The following CACNA1F variants were observed in gnomAD, a reference collection of about 807,000 sequenced individuals.
CACNA1F encodes calcium voltage-gated channel subunit alpha1 F.
CACNA1F carries 59 observed loss-of-function variants against 143.8 expected under a neutral mutation model. The ratio of observed to expected loss-of-function variants is 0.41; its 90% CI spans 0.33 to 0.51. CACNA1F has a LOEUF of 0.51. Ranked by LOEUF, CACNA1F falls within the 20% of genes least tolerant of loss-of-function variation. The pLI is 0.22. For synonymous variants in CACNA1F, 643 were observed against 649.1 expected (o/e 0.99, Z 0.14); for missense variants, 1,411 against 1,647.5 (o/e 0.86, Z 2.48).
chrX:49,213,963 C>T, intron 30 of CACNA1F, 61 bp from the exon 31 acceptor site: 1 of 878,425 alleles, frequency 1.1e-6, no homozygotes, highest in Non-Finnish European at 1.7e-6. Context: ...GGGTAGGGGG[C>T]CAGTAGTAGT....
chrX:49,218,250 G>A (rs782726851), intron 24 of CACNA1F, among the ~76,000 whole-genome samples: 1 of 112,495 alleles, frequency 8.9e-6, no homozygotes, highest in Non-Finnish European at 1.9e-5. Flanking sequence ...CTGGGTCTGA[G>A]AAATGTGGCC....
intron 13 of CACNA1F, 113 bp downstream of exon 13, chrX:49,225,796 A>C: frequency 1.9e-6 from 1 of 524,247 alleles, no homozygotes; most frequent in Non-Finnish European, 3.3e-6. Flanking sequence ...TTATTTGGGT[A>C]GGGGGGAAGG....
In CACNA1F at chrX:49,208,577, A is replaced by G. The variant is rs1271302222; in HGVS notation, c.5061T>C (p.Asp1687=). The change falls in exon 43 of 48, where the codon GAT becomes GAC. Residue 1687 remains aspartate (D), a synonymous_variant. Coordinates refer to ENST00000323022, the MANE Select transcript of CACNA1F (RefSeq NM_001256789.3). ...GACTGGAGGTGGGAGTCCCCCTGTC[A>G]TCATCACTGGGCCCAAAGGAGAGTG... is the stretch of plus-strand genomic sequence containing the variant. ...PDSLSFGPSD[D]DRGTPTSSQP... 8.3e-7 allele frequency: 1 copy of G among 1,208,200 alleles called. No individual in the cohort carries two copies. The highest frequency in any genetic ancestry group is 3.0e-5 in the East Asian group (1 of 33,714).
chrX:49,231,618 T>C (rs1429039636), intron 2 of CACNA1F, 60 bp downstream of exon 2: 18 of 1,189,004 alleles, frequency 1.5e-5, no homozygotes, highest in Non-Finnish European at 1.9e-5. Context: ...GACCCAATTC[T>C]TTACTCCTGG....
At chrX:49,224,688 T>G in intron 14 of CACNA1F, 73 bp downstream of exon 14, 1 of 661,516 alleles carries the variant, frequency 1.5e-6, no homozygotes, top group Non-Finnish European at 2.4e-6. Flanking sequence ...CAGATGAAGT[T>G]ATCATTGGAG....
Position 49,227,192 on chromosome X carries a change from A to T in CACNA1F, c.1119-65T>A, listed in dbSNP as rs2065835241. 4 of 859,216 alleles carry T rather than the reference A, an allele frequency of 4.7e-6. No individual in the cohort carries two copies. In the South Asian group the frequency reaches 8.6e-5, roughly 18 times the overall value. 70.8% of individuals were successfully genotyped at this position (859,216 alleles called of 1,213,427 possible). ...CTGAACACCTTGCTTTCATCACTCC[A>T]GCCACACTAGCCTCCTAGCTACTCT... On this transcript the variant is annotated intron_variant, in intron 8 of 47. Coordinates refer to ENST00000323022, the MANE Select transcript of CACNA1F (RefSeq NM_001256789.3).
At position 49,226,912 on chromosome X, in the gene CACNA1F, A is replaced by T. The variant is rs782504643; in HGVS notation, c.1276+58T>A. 10 of 1,202,936 alleles carry T rather than the reference A, an allele frequency of 8.3e-6. No individual in the cohort carries two copies. The East Asian group carries it at 3.0e-4, about 36-fold the overall frequency. On this transcript the variant is annotated intron_variant, in intron 9 of 47. Coordinates refer to ENST00000323022, the MANE Select transcript of CACNA1F (RefSeq NM_001256789.3). Reference sequence around the variant, plus strand: ...CAGACCACATCTAAGGCATGCAGGGAATGGGCCAGATTGGAGTTGCCTACG... The same window carrying T: ...CAGACCACATCTAAGGCATGCAGGGTATGGGCCAGATTGGAGTTGCCTACG...
Position 49,230,497 on chromosome X carries a change from G to T in CACNA1F, c.634C>A (p.Arg212=). The T allele has an allele frequency of 8.3e-7, 1 of 1,208,401 alleles. No homozygotes were observed. The highest frequency in any genetic ancestry group is 1.1e-6 in the Non-Finnish European group (1 of 894,030). Residue 212 remains arginine (R), a synonymous_variant, in exon 5 of 48, where the codon CGG becomes AGG. Coordinates refer to ENST00000323022, the MANE Select transcript of CACNA1F (RefSeq NM_001256789.3). ...ACCCCAGACACCAGCCTCAGTGGCC[G>T]CAGCACCCGAAACGCCCTCAATGCC... The part of the protein sequence containing the change: ...VKALRAFRVL[R]PLRLVSGVPS...
In CACNA1F at chrX:49,224,518, T is replaced by C. The variant is rs782658719; in HGVS notation, c.1877+243A>G. On this transcript the variant is annotated intron_variant, in intron 14 of 47. Coordinates refer to ENST00000323022, the MANE Select transcript of CACNA1F (RefSeq NM_001256789.3). ...TTGGGGAAAAACGTTAGAGCAGGAG[T>C]TGAGGTTGAGGAAGGCAATGGAAAT... is the stretch of plus-strand genomic sequence containing the variant. Among the ~76,000 whole-genome samples the C allele has an allele frequency of 7.4e-5, 8 of 108,741 alleles. No individual in the cohort carries two copies. The East Asian group carries it at 2.0e-3, about 28-fold the overall frequency. 94.4% of individuals were successfully genotyped at this position (108,741 alleles called of 115,157 possible). A position where few individuals can be genotyped will look rare whatever the true frequency, so the allele number is the denominator to read the frequency against.
intron 42 of CACNA1F, 51 bp downstream of exon 42, chrX:49,209,211 G>C (rs1569527621): frequency 8.4e-7 from 1 of 1,196,958 alleles, no homozygotes; most frequent in Admixed American, 2.2e-5. Flanking sequence ...TCAGGGGATT[G>C]ACGAAGTATT....
intron 42 of CACNA1F, chrX:49,209,057 G>C (rs781865428): frequency 4.4e-6 from 2 of 452,010 alleles, no homozygotes; most frequent in Non-Finnish European, 7.6e-6. Flanking sequence ...GAACCCTAGG[G>C]TTCAAGCGAT....
Position 49,212,779 on chromosome X carries a change from G to T in CACNA1F, c.3830C>A (p.Ser1277Tyr), listed in dbSNP as rs782046813. ...GCGAAAGAAGGTAATGGAAATGCGG[G>T]AGCTGTCCTCAGAGCTCTGGGGTGA... ...GHLGESSEDS[S>Y]RISITFFRLF... Residue 1277 changes from serine to tyrosine, a missense_variant, in exon 33 of 48, where the codon TCC becomes TAC. Physicochemically the swap from Ser to Tyr is moderately radical, Grantham distance 144. Around this residue, in one of 3 missense-constraint regions of CACNA1F, gnomAD observed 950 missense variants for 1,128.1 expected, o/e 0.84. Coordinates refer to ENST00000323022, the MANE Select transcript of CACNA1F (RefSeq NM_001256789.3). 1 of 1,210,591 alleles carries T rather than the reference G, an allele frequency of 8.3e-7. No homozygotes were observed.
At chrX:49,211,849 G>T in intron 35 of CACNA1F, 49 bp downstream of exon 35, 1 of 1,034,184 alleles carries the variant, frequency 9.7e-7, no homozygotes, top group Non-Finnish European at 1.4e-6. Flanking sequence ...CAGAGAGGGT[G>T]GGTGGGCACC....
intron 24 of CACNA1F, 145 bp downstream of exon 24, chrX:49,218,310 G>T: frequency 2.0e-6 from 1 of 504,263 alleles, no homozygotes; most frequent in Non-Finnish European, 3.4e-6. Context: ...CAGGCCACAT[G>T]GCTAGTGGTC....
chrX:49,216,231 C>T (rs1311518942), intron 27 of CACNA1F, 151 bp downstream of exon 27: 3 of 584,220 alleles, frequency 5.1e-6, no homozygotes, highest in Middle Eastern at 5.1e-4. Context: ...TCCTCTGATA[C>T]ACCCACCACT....
chrX:49,209,473 G>A, intron 41 of CACNA1F, 80 bp from the exon 42 acceptor site: 2 of 1,130,252 alleles, frequency 1.8e-6, no homozygotes. Context: ...CGGGTAGGGT[G>A]GGGGAAGGAG....
chrX:49,220,413 G>C, intron 19 of CACNA1F, 60 bp downstream of exon 19: 1 of 909,456 alleles, frequency 1.1e-6, no homozygotes, highest in Non-Finnish European at 1.6e-6. Flanking sequence ...GTCAGGAGCT[G>C]TCTGCCTGAG....
chrX:49,209,477 G>T (rs188700792), intron 41 of CACNA1F, 84 bp from the exon 42 acceptor site: 1 of 1,131,833 alleles, frequency 8.8e-7, no homozygotes, highest in Admixed American at 2.3e-5. Context: ...TAGGGTGGGG[G>T]AAGGAGTCCT....
chrX:49,230,434 TC>T, intron 5 of CACNA1F, 32 bp downstream of exon 5: 3 of 1,176,670 alleles, frequency 2.5e-6, no homozygotes, highest in Non-Finnish European at 3.5e-6. Context: ...ACCCCCACCC[TC>T]CACCTCCGAC....
Sources: gnomAD v4.1 joint callset for allele counts (sites outside exome capture counted in the v4.1 genomes callset) on GRCh38, gnomAD v4.1.1 for gene constraint, gnomAD v4.1.1 regional missense constraint, MANE v1.5 for transcripts, NCBI Gene and HGNC (gene_info 2026-07-23, HGNC 2026-07-21) for gene names.